The following CFAP47 variants were observed in gnomAD, a reference collection of about 807,000 sequenced individuals.
The protein encoded by CFAP47 is cilia and flagella associated protein 47, also known as cilia- and flagella-associated protein 47.
In CFAP47, 29 loss-of-function variants were observed where a neutral mutation model predicts 148.1. The observed-to-expected ratio is 0.20, with a 90% confidence interval of 0.15 to 0.27. The LOEUF is 0.27. CFAP47 is among the 10% of genes least tolerant of loss of function. CFAP47 has a pLI of 1.00. For synonymous variants in CFAP47, 664 were observed against 577.3 expected, an observed-to-expected ratio of 1.15 and a Z score of -2.15; for missense variants, 1,872 against 1,697.5, an observed-to-expected ratio of 1.10 and a Z score of -1.81.
At chrX:35,982,254 C>T (rs1050063131) in intron 15 of CFAP47, among the ~76,000 whole-genome samples, 4 of 111,808 alleles carry the variant, frequency 3.6e-5, no homozygotes, top group Non-Finnish European at 7.5e-5. Context: ...ATTTACATTT[C>T]TCTAATGATT....
rs984150142 is a variant in CFAP47 at position 36,001,628 on chromosome X, C to G, written c.3338C>G (p.Pro1113Arg). The G allele has an allele frequency of 6.8e-6, 2 of 294,107 alleles. No homozygotes were observed. The highest frequency in any genetic ancestry group is 5.5e-5 in the African/African-American group (2 of 36,313). 24.2% of individuals were successfully genotyped at this position (294,107 alleles called of 1,213,427 possible). A position where few individuals can be genotyped will look rare whatever the true frequency, so the allele number is the denominator to read the frequency against. Residue 1113 changes from proline to arginine, a missense_variant, in exon 21 of 64, where the codon CCT becomes CGT. By Grantham distance (103) the Pro-to-Arg change is moderately radical. Transcript: ENST00000378653. ...CCTCTTACAGAAGAATTTAAAGACCCTGCAGTTCCTTATATATATTCTTTG... is the reference window on the plus strand; with the variant it reads ...CCTCTTACAGAAGAATTTAAAGACCGTGCAGTTCCTTATATATATTCTTTG... ...LKDKSEEFKDPAVPYIYSLEL... is the reference protein window; with the variant it reads ...LKDKSEEFKDRAVPYIYSLEL...
At chrX:36,115,822 C>G (rs1938630805) in intron 33 of CFAP47, among the ~76,000 whole-genome samples, 1 of 111,731 alleles carries the variant, frequency 9.0e-6, no homozygotes, top group Non-Finnish European at 1.9e-5. Flanking sequence ...TCTCTCCTCA[C>G]AAAAATTGAT....
intron 29 of CFAP47, among the ~76,000 whole-genome samples, chrX:36,075,662 C>A: frequency 8.9e-6 from 1 of 111,930 alleles, no homozygotes; most frequent in Non-Finnish European, 1.9e-5. Context: ...CAGTACACAA[C>A]AGTTTTTCGA....
At position 35,956,144 on chromosome X, in the gene CFAP47, C is replaced by G. The variant is rs769829112; in HGVS notation, c.1358C>G (p.Ala453Gly). The G allele has an allele frequency of 8.3e-7, 1 of 1,210,923 alleles. No individual in the cohort carries two copies. Among genetic ancestry groups the G allele is most frequent in the Non-Finnish European group, 1.1e-6 (1 of 895,002 alleles). Residue 453 changes from alanine (A) to glycine (G), a missense_variant, in exon 8 of 64, where the codon GCA becomes GGA. Coordinates refer to ENST00000378653, the MANE Select transcript of CFAP47 (RefSeq NM_001304548.2). ...LPVTYHFKKT[A>G]NFEIDPEKGK... ...GTGACGTACCACTTTAAAAAAACTG[C>G]AAATTTTGAAATTGATCCTGAAAAG...
intron 45 of CFAP47, chrX:36,211,150 A>AT: frequency 3.8e-6 from 1 of 261,905 alleles, no homozygotes; most frequent in Non-Finnish European, 7.1e-6. Context: ...AAGAGGCAAA[A>AT]TGTCATCATA....
intron 39 of CFAP47, among the ~76,000 whole-genome samples, chrX:36,173,050 T>G (rs1407275530): frequency 3.6e-5 from 4 of 111,324 alleles, no homozygotes; most frequent in Non-Finnish European, 5.7e-5. Flanking sequence ...GTCGAGGAAT[T>G]TATCCATTTC....
intron 3 of CFAP47, among the ~76,000 whole-genome samples, chrX:35,943,465 AT>A (rs1201095049): frequency 1.8e-5 from 2 of 111,251 alleles, no homozygotes; most frequent in Admixed American, 9.6e-5. Flanking sequence ...TTGATGATTT[AT>A]TTTAATAGTC....
intron 37 of CFAP47, among the ~76,000 whole-genome samples, chrX:36,152,631 A>T (rs9943001): frequency 0.11 from 11,708 of 110,389 alleles, 1,217 homozygotes; most frequent in African/African-American, 0.32. Context: ...GTTCCTAGCC[A>T]CCTCTAGACA....
intron 8 of CFAP47, among the ~76,000 whole-genome samples, chrX:35,964,013 T>C (rs1936368767): frequency 9.0e-6 from 1 of 111,549 alleles, no homozygotes; most frequent in Non-Finnish European, 1.9e-5. Context: ...CAAAAGTACG[T>C]TTATGCTGTT....
chrX:36,287,015 G>T (rs1941140691), intron 51 of CFAP47, among the ~76,000 whole-genome samples: 1 of 110,712 alleles, frequency 9.0e-6, no homozygotes, highest in South Asian at 3.8e-4. Flanking sequence ...CTTAAAAGGT[G>T]AAGACTGTCA....
At chrX:36,347,095 A>G (rs1183399326) in intron 57 of CFAP47, among the ~76,000 whole-genome samples, 1 of 112,284 alleles carries the variant, frequency 8.9e-6, no homozygotes, top group Non-Finnish European at 1.9e-5. Flanking sequence ...TAAGAAAAAA[A>G]CAAACCACCT....
intron 30 of CFAP47, among the ~76,000 whole-genome samples, chrX:36,091,456 T>C (rs1472184013): frequency 9.0e-6 from 1 of 111,730 alleles, no homozygotes; most frequent in Non-Finnish European, 1.9e-5. Context: ...AGACATCATC[T>C]CATTGCATTT....
intron 15 of CFAP47, among the ~76,000 whole-genome samples, chrX:35,976,641 T>A (rs1017468515): frequency 1.1e-4 from 12 of 111,536 alleles, no homozygotes; most frequent in African/African-American, 3.9e-4. Context: ...CAGATACTTA[T>A]GGACAAAATA....
chrX:35,942,398 T>C (rs1936023099), intron 3 of CFAP47, among the ~76,000 whole-genome samples: 2 of 111,204 alleles, frequency 1.8e-5, no homozygotes, highest in African/African-American at 3.3e-5. Flanking sequence ...CCACATTGGA[T>C]GTTACTCATC....
chrX:35,925,627 T>C (rs1314970998), intron 1 of CFAP47, among the ~76,000 whole-genome samples: 7 of 112,100 alleles, frequency 6.2e-5, no homozygotes, highest in East Asian at 2.8e-4. Flanking sequence ...GATAATAATA[T>C]AACACTCCTA....
intron 1 of CFAP47, among the ~76,000 whole-genome samples, chrX:35,921,567 G>T (rs765651828): frequency 9.0e-6 from 1 of 111,714 alleles, no homozygotes; most frequent in African/African-American, 3.2e-5. Flanking sequence ...GCAGTAACAA[G>T]AAAAATATTA....
At chrX:36,109,809 C>T (rs955657698) in intron 33 of CFAP47, among the ~76,000 whole-genome samples, 2 of 111,693 alleles carry the variant, frequency 1.8e-5, no homozygotes, top group Admixed American at 9.5e-5. Context: ...CATTCTGACT[C>T]GTGTGAGATG....
chrX:36,280,476 A>G lies in CFAP47; in HGVS notation c.7445-11A>G, dbSNP rs1556003400. 1.0e-5 allele frequency: 5 copies of G among 488,928 alleles called. No individual in the cohort carries two copies. The highest frequency in any genetic ancestry group is 1.8e-5 in the Non-Finnish European group (5 of 275,290). 40.3% of individuals were successfully genotyped at this position (488,928 alleles called of 1,213,427 possible). A position where few individuals can be genotyped will look rare whatever the true frequency, so the allele number is the denominator to read the frequency against. ...CTGATTAATAGGGCATCTTGTACTT[A>G]TGTGTTGTAGGTACAATTACATTTT... is the stretch of plus-strand genomic sequence containing the variant. On this transcript the variant is annotated splice_polypyrimidine_tract_variant and intron_variant, in intron 49 of 63. Transcript: ENST00000378653.
chrX:36,382,445 A>G (rs1942086439), intron 63 of CFAP47, among the ~76,000 whole-genome samples: 1 of 111,771 alleles, frequency 8.9e-6, no homozygotes, highest in East Asian at 2.8e-4. Context: ...AGTTTCACAC[A>G]TATTTTATAG....
Sources: allele counts gnomAD v4.1 joint callset (sites outside exome capture counted in the v4.1 genomes callset), GRCh38; gene constraint gnomAD v4.1.1; transcripts MANE v1.5; gene names NCBI Gene and HGNC (gene_info 2026-07-23, HGNC 2026-07-21).